The following MYOM2 variants were observed in gnomAD, a reference collection of about 807,000 sequenced individuals.
The protein encoded by MYOM2 is myomesin 2.
A neutral mutation model predicts 187.6 loss-of-function variants in MYOM2; 254 were observed. The observed-to-expected ratio is 1.35, with a 90% CI of 1.22 to 1.50. The LOEUF (loss-of-function observed/expected upper bound fraction) is 1.50. Among genes scored for constraint, MYOM2 ranks in the 40% most tolerant of loss-of-function variants. The pLI, the probability that MYOM2 is intolerant of heterozygous loss-of-function variation, is 0.00. For synonymous variants in MYOM2, 981 were observed against 753.8 expected (o/e 1.30, Z -4.94); for missense variants, 2,796 against 1,924.0 (o/e 1.45, Z -8.48).
intron 29 of MYOM2, 34 bp from the exon 30 acceptor site, chr8:2,123,521 C>G: frequency 6.3e-7 from 1 of 1,583,338 alleles, no homozygotes; most frequent in South Asian, 1.1e-5. Context: ...GCAGTATTGA[C>G]TTTACATAAA....
intron 19 of MYOM2, among the ~76,000 whole-genome samples, chr8:2,100,186 T>A (rs560328839): frequency 2.8e-5 from 4 of 145,284 alleles, no homozygotes; most frequent in Non-Finnish European, 3.0e-5. Flanking sequence ...CCTTCCTTCC[T>A]TCCCTCCCTG....
At chr8:2,141,012 G>T in intron 33 of MYOM2, 126 bp downstream of exon 33, 2 of 1,327,006 alleles carry the variant, frequency 1.5e-6, no homozygotes, top group South Asian at 3.2e-5. Context: ...TAGAGAAAAT[G>T]AAAAAATAAA....
intron 35 of MYOM2, 120 bp downstream of exon 35, chr8:2,142,517 G>T (rs1798308002): frequency 1.0e-6 from 1 of 971,726 alleles, no homozygotes; most frequent in Non-Finnish European, 1.7e-6. Context: ...CCACCCTGAT[G>T]TAACAACGCC....
Position 2,076,185 on chromosome 8 carries a change from T to A in MYOM2, c.1165T>A (p.Leu389Met). Residue 389 changes from leucine (L) to methionine (M), a missense_variant, in exon 11 of 37, where the codon TTG becomes ATG. By Grantham distance (15) the Leu-to-Met change is conservative. Coordinates refer to ENST00000262113, the MANE Select transcript of MYOM2 (RefSeq NM_003970.4). ...VTGAPGAPMD[L>M]QCHDANRDYV... ...AGGGGCCCCCGGTGCACCCATGGAC[T>A]TGCAGTGCCACGACGCCAACCGGGA... 8 of 1,613,390 alleles carry A rather than the reference T, an allele frequency of 5.0e-6. No homozygotes were observed. Among genetic ancestry groups the A allele is most frequent in the Non-Finnish European group, 6.8e-6 (8 of 1,179,876 alleles).
chr8:2,089,395 G>T (rs1796215321), intron 14 of MYOM2, among the ~76,000 whole-genome samples: 1 of 152,102 alleles, frequency 6.6e-6, no homozygotes, highest in Non-Finnish European at 1.5e-5. Context: ...TTTCTCCATA[G>T]ATTTTAATGC....
chr8:2,065,116 A>C (rs1818973654), intron 6 of MYOM2, among the ~76,000 whole-genome samples: 1 of 152,236 alleles, frequency 6.6e-6, no homozygotes, highest in African/African-American at 2.4e-5. Context: ...TAATCATCAA[A>C]GTCACCCTAG....
chr8:2,092,534 CCCCAG>C lies in MYOM2; in HGVS notation c.2003+18_2003+22del. 6.2e-7 allele frequency: 1 copy of C among 1,612,802 alleles called. No individual in the cohort carries two copies. Among genetic ancestry groups the C allele is most frequent in the East Asian group, 2.2e-5 (1 of 44,840 alleles). On this transcript the variant is annotated intron_variant, in intron 16 of 36. Transcript: ENST00000262113. ...CGGATACAACAGGTGCGGCCTCCCT[CCCCAG>C]CCCTGGAGTCAGCCTTGCAGGAGTA...
intron 34 of MYOM2, 23 bp from the exon 35 acceptor site, chr8:2,142,352 T>A: frequency 6.2e-7 from 1 of 1,611,850 alleles, no homozygotes; most frequent in South Asian, 1.1e-5. Flanking sequence ...CATTCTCTCC[T>A]TTCTGTCCCC....
chr8:2,128,985 T>C (rs983143441), intron 31 of MYOM2, 142 bp from the exon 32 acceptor site: 5 of 574,974 alleles, frequency 8.7e-6, no homozygotes, highest in African/African-American at 7.4e-5. Context: ...GTATAAGAAT[T>C]TGTGGCTGGC....
chr8:2,098,806 G>A, intron 18 of MYOM2, 51 bp from the exon 19 acceptor site: 1 of 1,555,122 alleles, frequency 6.4e-7, no homozygotes, highest in Middle Eastern at 1.7e-4. Context: ...CCCTCAGTGG[G>A]CTGTAAGGCA....
chr8:2,110,737 GC>G (rs903238033), intron 25 of MYOM2, among the ~76,000 whole-genome samples: 1 of 152,154 alleles, frequency 6.6e-6, no homozygotes, highest in African/African-American at 2.4e-5. Flanking sequence ...CTCCCGGGCA[GC>G]CCCCCTACCA....
chr8:2,138,362 C>G (rs1286314251), intron 32 of MYOM2, among the ~76,000 whole-genome samples: 1 of 152,208 alleles, frequency 6.6e-6, no homozygotes. Context: ...CTGAGAGCAG[C>G]TGGGCGGAGC....
intron 1 of MYOM2, among the ~76,000 whole-genome samples, chr8:2,048,566 C>A (rs192560993): frequency 6.6e-6 from 1 of 152,076 alleles, no homozygotes; most frequent in Admixed American, 6.5e-5. Flanking sequence ...GGTACCAGGG[C>A]CAGGGCCAGG....
intron 14 of MYOM2, 106 bp from the exon 15 acceptor site, chr8:2,089,902 C>T (rs989744793): frequency 1.9e-6 from 2 of 1,033,252 alleles, no homozygotes; most frequent in African/African-American, 3.3e-5. Context: ...AGCGGGCGCG[C>T]CTGGTGGTCC....
At chr8:2,115,526 G>C (rs10095595) in intron 25 of MYOM2, among the ~76,000 whole-genome samples, 7,352 of 152,294 alleles carry the variant, frequency 0.048, 583 homozygotes, top group African/African-American at 0.17. Context: ...GGGCTTGTGG[G>C]TGCTGTGTCC....
At chr8:2,087,741 C>T (rs766591418) in intron 14 of MYOM2, among the ~76,000 whole-genome samples, 1 of 152,204 alleles carries the variant, frequency 6.6e-6, no homozygotes, top group Non-Finnish European at 1.5e-5. Context: ...CCCCTAACAC[C>T]CAGAGTAGCT....
In MYOM2 at chr8:2,078,835, T is replaced by C. The variant is rs556085847; in HGVS notation, c.1364T>C (p.Phe455Ser). The stretch of plus-strand genomic sequence containing the variant: ...CTTTTTGAAGGAAGGTCTTACATAT[T>C]CCGAGTGAGGGCAGTGAACAGTGCG... Reference protein sequence around the residue: ...TGLFEGRSYIFRVRAVNSAGI... With the variant: ...TGLFEGRSYISRVRAVNSAGI... The change falls in exon 12 of 37, where the codon TTC becomes TCC. Residue 455 changes from phenylalanine (F) to serine (S), a missense_variant. By Grantham distance (155) the Phe-to-Ser change is radical. Coordinates refer to ENST00000262113, the MANE Select transcript of MYOM2 (RefSeq NM_003970.4). 6.8e-6 allele frequency: 11 copies of C among 1,614,140 alleles called. No individual in the cohort carries two copies. In the East Asian group the frequency reaches 2.0e-4, roughly 29 times the overall value.
chr8:2,136,385 A>T (rs1798071697), intron 32 of MYOM2, among the ~76,000 whole-genome samples: 1 of 152,322 alleles, frequency 6.6e-6, no homozygotes, highest in South Asian at 2.1e-4. Context: ...GTGGGGTGCC[A>T]GAAGTGCACC....
intron 1 of MYOM2, among the ~76,000 whole-genome samples, chr8:2,048,784 T>A (rs1488678090): frequency 1.8e-5 from 2 of 110,898 alleles, no homozygotes; most frequent in Non-Finnish European, 3.5e-5. Flanking sequence ...TTTTATTTTT[T>A]ATTTTTATTT....
Sources: gnomAD v4.1 joint callset for allele counts (sites outside exome capture counted in the v4.1 genomes callset) on GRCh38, gnomAD v4.1.1 for gene constraint, MANE v1.5 for transcripts, NCBI Gene and HGNC (gene_info 2026-07-23, HGNC 2026-07-21) for gene names.